The following ZMAT4 variants were observed in gnomAD, a reference collection of about 807,000 sequenced individuals.
ZMAT4 encodes zinc finger matrin-type protein 4.
A neutral mutation model predicts 28.7 loss-of-function variants in ZMAT4; 17 were observed. That is an observed-to-expected ratio of 0.59 (90% CI 0.41 to 0.89). The LOEUF (loss-of-function observed/expected upper bound fraction) is 0.89. Among genes scored for constraint, ZMAT4 ranks in the 40% least tolerant of loss-of-function variants. The pLI is 0.00. For missense variants in ZMAT4, 240 were observed against 283.8 expected, an observed-to-expected ratio of 0.85 and a Z score of 1.11; for synonymous variants, 117 against 109.2, an observed-to-expected ratio of 1.07 and a Z score of -0.44.
At chr8:40,626,773 T>C (rs1806397328) in intron 5 of ZMAT4, among the ~76,000 whole-genome samples, 1 of 152,054 alleles carries the variant, frequency 6.6e-6, no homozygotes, top group Non-Finnish European at 1.5e-5. Context: ...ATGTGAGATG[T>C]TGGATGGACA....
chr8:40,737,110 AGC>A (rs1239615955), intron 3 of ZMAT4, among the ~76,000 whole-genome samples: 3 of 152,246 alleles, frequency 2.0e-5, no homozygotes, highest in Non-Finnish European at 2.9e-5. Flanking sequence ...CAACACAGAG[AGC>A]ACATTTAGAG....
At chr8:40,661,717 C>CA (rs1307576704) in intron 5 of ZMAT4, among the ~76,000 whole-genome samples, 1 of 152,160 alleles carries the variant, frequency 6.6e-6, no homozygotes, top group Non-Finnish European at 1.5e-5. Flanking sequence ...ATGTGGGCCA[C>CA]AAAAAAGCCC....
intron 5 of ZMAT4, among the ~76,000 whole-genome samples, chr8:40,590,899 CCTATT>C (rs1804872958): frequency 6.6e-6 from 1 of 152,068 alleles, no homozygotes; most frequent in African/African-American, 2.4e-5. Context: ...ATGAGTTCTA[CCTATT>C]CCTCTAGGGA....
intron 3 of ZMAT4, among the ~76,000 whole-genome samples, chr8:40,713,354 A>G (rs1179125357): frequency 6.6e-6 from 1 of 152,170 alleles, no homozygotes; most frequent in Non-Finnish European, 1.5e-5. Context: ...AAACAGTTCA[A>G]AACATAAAAT....
rs578136210 is a variant in ZMAT4 at position 40,550,386 on chromosome 8, T to C, written c.675-18148A>G. On this transcript the variant is annotated intron_variant, in intron 6 of 6. Coordinates refer to ENST00000297737, the MANE Select transcript of ZMAT4 (RefSeq NM_024645.3). ...TTCCACATTTCTCTCACAGGTGTTT[T>C]CCATAATAAAATTCCTGCATGTTTA... Among the ~76,000 whole-genome samples the C allele has an allele frequency of 2.2e-3, 335 of 152,286 alleles. 1 individual carries two copies. The highest frequency in any genetic ancestry group is 3.4e-3 in the Middle Eastern group (1 of 294).
At chr8:40,819,632 C>T (rs1335151023) in intron 2 of ZMAT4, among the ~76,000 whole-genome samples, 1 of 152,064 alleles carries the variant, frequency 6.6e-6, no homozygotes. Context: ...TTGGGAGGGA[C>T]GAGGATGCCT....
chr8:40,732,737 A>G (rs998673396), intron 3 of ZMAT4, among the ~76,000 whole-genome samples: 1 of 150,710 alleles, frequency 6.6e-6, no homozygotes, highest in African/African-American at 2.4e-5. Flanking sequence ...AAAGGCCCTG[A>G]GGCCTGGATG....
At position 40,785,446 on chromosome 8, in the gene ZMAT4, A is replaced by T. The variant is rs946116184; in HGVS notation, c.103-17716T>A. On this transcript the variant is annotated intron_variant, in intron 2 of 6. Transcript: ENST00000297737. ...GTACAATGTACTGTAGGTGTCCAAA[A>T]AACGCTCCTTGGTTTGAAATGATTA... Among the ~76,000 whole-genome samples the T allele has an allele frequency of 2.6e-5, 4 of 152,196 alleles. 1 individual carries two copies. The highest frequency in any genetic ancestry group is 5.9e-5 in the Non-Finnish European group (4 of 68,042).
At chr8:40,619,581 C>A (rs548404675) in intron 5 of ZMAT4, among the ~76,000 whole-genome samples, 45 of 152,256 alleles carry the variant, frequency 3.0e-4, no homozygotes, top group Admixed American at 9.1e-4. Context: ...AGCGGCAGAA[C>A]CTGATTCTCT....
chr8:40,537,208 G>T (rs778357261), intron 6 of ZMAT4, among the ~76,000 whole-genome samples: 1 of 152,118 alleles, frequency 6.6e-6, no homozygotes, highest in African/African-American at 2.4e-5. Flanking sequence ...ACCCTAACAG[G>T]TTATAGACTT....
At chr8:40,833,401 C>T (rs1383463371) in intron 1 of ZMAT4, among the ~76,000 whole-genome samples, 1 of 152,002 alleles carries the variant, frequency 6.6e-6, no homozygotes, top group Admixed American at 6.6e-5. Flanking sequence ...AACCCCATCT[C>T]TATTAAAAAT....
intron 2 of ZMAT4, among the ~76,000 whole-genome samples, chr8:40,778,417 C>T (rs1291708432): frequency 1.4e-4 from 21 of 152,170 alleles, no homozygotes; most frequent in Admixed American, 1.3e-3. Context: ...TGTTGCCCTC[C>T]CCACCCTTGA....
intron 3 of ZMAT4, among the ~76,000 whole-genome samples, chr8:40,707,699 T>A (rs1810422606): frequency 6.6e-6 from 1 of 152,190 alleles, no homozygotes; most frequent in Non-Finnish European, 1.5e-5. Context: ...ATCAAATGGT[T>A]TAAAAGAATA....
In ZMAT4 at chr8:40,798,000, C is replaced by T. The variant is rs1179327906; in HGVS notation, c.102+27575G>A. 2.6e-5 allele frequency among the ~76,000 whole-genome samples: 4 copies of T among 152,170 alleles called. No individual in the cohort carries two copies. In the East Asian group the frequency reaches 7.7e-4, roughly 29 times the overall value. ...GGAGGCAGTATCAGGTGTCCATGCC[C>T]TTCACTCTTCTCCAGGGTCTTCACT... is the stretch of plus-strand genomic sequence containing the variant. On this transcript the variant is annotated intron_variant, in intron 2 of 6. Transcript: ENST00000297737.
chr8:40,684,055 G>A (rs1053582997), intron 4 of ZMAT4, among the ~76,000 whole-genome samples: 1 of 150,756 alleles, frequency 6.6e-6, no homozygotes, highest in African/African-American at 2.5e-5. Flanking sequence ...GACCAGAGGA[G>A]ATCCCGTCTT....
At chr8:40,681,284 C>T (rs1053795685) in intron 4 of ZMAT4, among the ~76,000 whole-genome samples, 2 of 152,222 alleles carry the variant, frequency 1.3e-5, no homozygotes, top group Admixed American at 6.5e-5. Context: ...ATTTCCTAGG[C>T]TTCAACATCT....
rs978791813 is a variant in ZMAT4 at position 40,648,037 on chromosome 8, G to A, written c.577+26667C>T. Reference sequence around the variant, plus strand: ...AGTGCCTCTCCTCCGCCAAAGGAACGCAGTTCCTCACCAGCAACGGAACAA... The same window carrying A: ...AGTGCCTCTCCTCCGCCAAAGGAACACAGTTCCTCACCAGCAACGGAACAA... On this transcript the variant is annotated intron_variant, in intron 5 of 6. Coordinates refer to ENST00000297737, the MANE Select transcript of ZMAT4 (RefSeq NM_024645.3). Among the ~76,000 whole-genome samples, 9 of 152,350 alleles carry A rather than the reference G, an allele frequency of 5.9e-5. No homozygotes were observed. In the South Asian group the frequency reaches 1.9e-3, roughly 32 times the overall value.
At chr8:40,797,610 T>C (rs576914192) in intron 2 of ZMAT4, among the ~76,000 whole-genome samples, 2 of 152,248 alleles carry the variant, frequency 1.3e-5, no homozygotes, top group African/African-American at 4.8e-5. Flanking sequence ...TTACAGGACT[T>C]CCATGAGCTA....
At chr8:40,545,193 G>A (rs1803162464) in intron 6 of ZMAT4, among the ~76,000 whole-genome samples, 1 of 152,008 alleles carries the variant, frequency 6.6e-6, no homozygotes, top group African/African-American at 2.4e-5. Flanking sequence ...GAGGTTGAGA[G>A]CAGACTCCCC....
Sources: gnomAD v4.1 joint callset for allele counts (sites outside exome capture counted in the v4.1 genomes callset) on GRCh38, gnomAD v4.1.1 for gene constraint, MANE v1.5 for transcripts, NCBI Gene and HGNC (gene_info 2026-07-23, HGNC 2026-07-21) for gene names.